Variants in CSNK1G1 observed in about 807,000 individuals in gnomAD.
CSNK1G1 encodes the protein casein kinase I isoform gamma-1.
In CSNK1G1, 22 loss-of-function variants were observed where a neutral mutation model predicts 59.6. The observed-to-expected ratio is 0.37, with a 90% CI of 0.26 to 0.53. The LOEUF (loss-of-function observed/expected upper bound fraction) is 0.53, where lower values mean the gene tolerates loss of function less well. CSNK1G1 is among the 20% of genes least tolerant of loss of function. CSNK1G1 has a pLI of 0.89. For synonymous variants in CSNK1G1, 179 were observed against 177.1 expected, an observed-to-expected ratio of 1.01 and a Z score of -0.08; for missense variants, 384 against 519.5, an observed-to-expected ratio of 0.74 and a Z score of 2.54.
At chr15:64,343,004 T>C (rs1001018945) in intron 1 of CSNK1G1, among the ~76,000 whole-genome samples, 1 of 152,038 alleles carries the variant, frequency 6.6e-6, no homozygotes, top group Non-Finnish European at 1.5e-5. Flanking sequence ...AAAAGTACTA[T>C]TCTATCTTGA....
chr15:64,230,651 G>A (rs1007690642), intron 4 of CSNK1G1, among the ~76,000 whole-genome samples: 1 of 152,068 alleles, frequency 6.6e-6, no homozygotes, highest in Non-Finnish European at 1.5e-5. Context: ...CCCATTACTT[G>A]AGTACTCAGG....
At chr15:64,250,777 T>A (rs1454656213) in intron 4 of CSNK1G1, among the ~76,000 whole-genome samples, 5 of 148,270 alleles carry the variant, frequency 3.4e-5, no homozygotes, top group African/African-American at 5.1e-5. Flanking sequence ...AAAAAAAAAA[T>A]AGAAACCAAG....
chr15:64,293,075 C>T (rs1340609811), intron 2 of CSNK1G1, among the ~76,000 whole-genome samples: 1 of 152,078 alleles, frequency 6.6e-6, no homozygotes, highest in Admixed American at 6.6e-5. Context: ...TCTTTCCAGG[C>T]CTGATTCAGC....
rs1288604954 is a variant in CSNK1G1 at position 64,238,542 on chromosome 15, T to TGA, written c.292+12969_292+12970insTC. On this transcript the variant is annotated intron_variant, in intron 4 of 11. Transcript: ENST00000303052. ...AAATATATATATATATATATATATA[T>TGA]ATGAAAAAAAACCCACATTCCTAGT... Among the ~76,000 whole-genome samples the TGA allele has an allele frequency of 5.8e-3, 698 of 120,098 alleles. 15 individuals carry two copies. Among genetic ancestry groups the TGA allele is most frequent in the African/African-American group, 0.022 (652 of 29,266 alleles). 78.8% of individuals were successfully genotyped at this position (120,098 alleles called of 152,430 possible).
intron 1 of CSNK1G1, among the ~76,000 whole-genome samples, chr15:64,345,841 G>C (rs569481056): frequency 6.6e-6 from 1 of 152,078 alleles, no homozygotes; most frequent in African/African-American, 2.4e-5. Context: ...CGCTAGGCTG[G>C]AGTGCAGTGG....
chr15:64,194,405 G>A (rs964849159), intron 10 of CSNK1G1: 8 of 150,522 alleles, frequency 5.3e-5, no homozygotes, highest in Admixed American at 4.6e-4. Flanking sequence ...ATTTAGCAAT[G>A]TGGCCTAATG....
At chr15:64,284,665 CCCCAGAA>C in intron 2 of CSNK1G1, among the ~76,000 whole-genome samples, 1 of 151,824 alleles carries the variant, frequency 6.6e-6, no homozygotes. Flanking sequence ...CATGATCTAT[CCCCAGAA>C]ACATATTATG....
chr15:64,353,011 C>T (rs996546770), intron 1 of CSNK1G1, among the ~76,000 whole-genome samples: 1 of 152,000 alleles, frequency 6.6e-6, no homozygotes, highest in Non-Finnish European at 1.5e-5. Context: ...ACTGCTTGAA[C>T]TTAGCAGGCG....
intron 4 of CSNK1G1, among the ~76,000 whole-genome samples, chr15:64,218,852 GT>G (rs11364699): frequency 0.45 from 51,189 of 113,980 alleles, 11,712 homozygotes; most frequent in East Asian, 0.84. Context: ...AATTTGAAGT[GT>G]TTTTTTTTTT....
chr15:64,300,249 C>A, intron 2 of CSNK1G1, 70 bp downstream of exon 2: 2 of 1,457,658 alleles, frequency 1.4e-6, no homozygotes, highest in South Asian at 1.3e-5. Flanking sequence ...AACGGCTTGT[C>A]TTGAAACACA....
At chr15:64,321,147 T>C (rs1896540517) in intron 1 of CSNK1G1, among the ~76,000 whole-genome samples, 1 of 152,054 alleles carries the variant, frequency 6.6e-6, no homozygotes, top group African/African-American at 2.4e-5. Flanking sequence ...ATTTTTCAAT[T>C]TCAAATGCAA....
intron 2 of CSNK1G1, among the ~76,000 whole-genome samples, chr15:64,296,011 C>G (rs1056294159): frequency 2.0e-5 from 3 of 152,206 alleles, no homozygotes; most frequent in African/African-American, 7.2e-5. Context: ...GTATCCTGCA[C>G]AAGCTCTTCT....
At position 64,188,623 on chromosome 15, in the gene CSNK1G1, A is replaced by C; in HGVS notation, c.1108-8169T>G. The stretch of plus-strand genomic sequence containing the variant: ...TGGATTTTAAACTAACAACCACTGG[A>C]AAGCAGTGAGGAAAAGTAAGCTTGT... On this transcript the variant is annotated intron_variant, in intron 10 of 11. Transcript: ENST00000303052. The surrounding 1 kb of genome is among the most constrained non-coding windows in gnomAD (Gnocchi z 4.2). 1.5e-6 allele frequency: 1 copy of C among 655,994 alleles called. No individual in the cohort carries two copies. The highest frequency in any genetic ancestry group is 2.6e-6 in the Non-Finnish European group (1 of 379,212). 40.6% of individuals were successfully genotyped at this position (655,994 alleles called of 1,614,324 possible).
At chr15:64,351,850 G>A (rs1898307333) in intron 1 of CSNK1G1, among the ~76,000 whole-genome samples, 1 of 152,102 alleles carries the variant, frequency 6.6e-6, no homozygotes, top group African/African-American at 2.4e-5. Context: ...TCCAGCCTGG[G>A]TAACAGAAAC....
intron 1 of CSNK1G1, among the ~76,000 whole-genome samples, chr15:64,306,320 G>A (rs1330221179): frequency 2.0e-5 from 3 of 152,152 alleles, no homozygotes; most frequent in African/African-American, 7.2e-5. Context: ...GTTAAAATAT[G>A]AGCAAAATAT....
intron 4 of CSNK1G1, among the ~76,000 whole-genome samples, chr15:64,247,896 T>G (rs1474798201): frequency 6.6e-6 from 1 of 152,230 alleles, no homozygotes; most frequent in Non-Finnish European, 1.5e-5. Context: ...CCAAATAATT[T>G]CATACATTTA....
chr15:64,214,203 C>T lies in CSNK1G1; in HGVS notation c.445-79G>A. ...CATCAAAACAGTTTCTTTAGCCAGA[C>T]CAAGGTTTTAATTATTGAAATAACA... On this transcript the variant is annotated intron_variant, in intron 5 of 11. Coordinates refer to ENST00000303052, the MANE Select transcript of CSNK1G1 (RefSeq NM_022048.5). This position sits in a 1 kb window ranked among gnomAD's most constrained non-coding sequence, Gnocchi z 4.3. The T allele has an allele frequency of 1.9e-6, 2 of 1,044,048 alleles. No individual in the cohort carries two copies. The highest frequency in any genetic ancestry group is 1.6e-5 in the African/African-American group (1 of 62,942). 64.7% of individuals were successfully genotyped at this position (1,044,048 alleles called of 1,614,324 possible).
intron 1 of CSNK1G1, among the ~76,000 whole-genome samples, chr15:64,339,049 G>A (rs1897551635): frequency 6.6e-6 from 1 of 152,044 alleles, no homozygotes; most frequent in East Asian, 1.9e-4. Flanking sequence ...AAAGGGGAGA[G>A]TTAAAGTGCA....
At position 64,291,924 on chromosome 15, in the gene CSNK1G1, C is replaced by T. The variant is rs189084019; in HGVS notation, c.181+8395G>A. ...GTTAAAAGTTCCAATAAAAGCAGGGCGCAGTGGCTCACGCCTGTAATCCCA... is the reference window on the plus strand; with the variant it reads ...GTTAAAAGTTCCAATAAAAGCAGGGTGCAGTGGCTCACGCCTGTAATCCCA... On this transcript the variant is annotated intron_variant, in intron 2 of 11. Transcript: ENST00000303052. 1.9e-4 allele frequency among the ~76,000 whole-genome samples: 29 copies of T among 151,748 alleles called. No individual in the cohort carries two copies. The East Asian group carries it at 5.3e-3, about 28-fold the overall frequency.
Sources: allele counts gnomAD v4.1 joint callset (sites outside exome capture counted in the v4.1 genomes callset), GRCh38; gene constraint gnomAD v4.1.1; non-coding constraint Gnocchi (gnomAD v3.1); transcripts MANE v1.5; gene names NCBI Gene and HGNC (gene_info 2026-07-23, HGNC 2026-07-21).